DRC11: variants seen among roughly 807,000 people sequenced by gnomAD.
DRC11 encodes the protein IQ and AAA domain-containing protein 1.
the DRC11 span, among the ~76,000 whole-genome samples, chr2:236,442,390 T>A: frequency 1.3e-5 from 2 of 152,310 alleles, no homozygotes; most frequent in Admixed American, 1.3e-4. Context: ...AAATCTGGCC[T>A]CAAATGGAAG....
At chr2:236,419,324 G>C in the DRC11 span, 2 of 1,503,146 alleles carry the variant, frequency 1.3e-6, no homozygotes, top group African/African-American at 2.8e-5. This position sits in a 1 kb window ranked among gnomAD's most constrained non-coding sequence, Gnocchi z 4.8. Flanking sequence ...ATCAAGAGAA[G>C]GACTGTTTTC....
the DRC11 span, chr2:236,338,282 T>A: frequency 6.2e-7 from 1 of 1,613,900 alleles, no homozygotes; most frequent in African/African-American, 1.3e-5. Flanking sequence ...GAGTTCAGCA[T>A]CGAAGGGACG....
At chr2:236,358,050 GATAT>G in the DRC11 span, among the ~76,000 whole-genome samples, 2 of 113,672 alleles carry the variant, frequency 1.8e-5, no homozygotes, top group African/African-American at 7.3e-5. Flanking sequence ...ATAATATATA[GATAT>G]ATATTATATG....
the DRC11 span, among the ~76,000 whole-genome samples, chr2:236,432,691 C>T: frequency 1.9e-4 from 29 of 152,112 alleles, no homozygotes; most frequent in Non-Finnish European, 3.1e-4. Flanking sequence ...ACAAATAATT[C>T]TCTCAGGGTG....
chr2:236,436,330 T>G, the DRC11 span, among the ~76,000 whole-genome samples: 548 of 152,308 alleles, frequency 3.6e-3, 3 homozygotes, highest in African/African-American at 0.012. Context: ...ATTTGTGATT[T>G]TTTTTGGCCA....
At chr2:236,383,239 T>C in the DRC11 span, among the ~76,000 whole-genome samples, 3 of 152,222 alleles carry the variant, frequency 2.0e-5, no homozygotes, top group Non-Finnish European at 1.5e-5. Flanking sequence ...TATTAGCATA[T>C]AATTGTTCAT....
the DRC11 span, among the ~76,000 whole-genome samples, chr2:236,429,136 G>C: frequency 2.6e-5 from 4 of 152,348 alleles, no homozygotes; most frequent in African/African-American, 9.6e-5. The surrounding 1 kb of genome is among the most constrained non-coding windows in gnomAD (Gnocchi z 5.9). Context: ...GGGCACTGTA[G>C]CATCAGGTCT....
the DRC11 span, among the ~76,000 whole-genome samples, chr2:236,498,233 C>T: frequency 2.7e-4 from 40 of 150,530 alleles, no homozygotes; most frequent in African/African-American, 8.3e-4. Flanking sequence ...TTTGGGAGGT[C>T]GAGGCAGGTG....
the DRC11 span, among the ~76,000 whole-genome samples, chr2:236,322,763 G>A: frequency 6.6e-6 from 1 of 152,168 alleles, no homozygotes; most frequent in African/African-American, 2.4e-5. Flanking sequence ...GTCCTGCCCA[G>A]TACATCAGTC....
At chr2:236,463,859 C>G in the DRC11 span, among the ~76,000 whole-genome samples, 80 of 152,296 alleles carry the variant, frequency 5.3e-4, no homozygotes, top group Non-Finnish European at 1.0e-3. The surrounding 1 kb of genome is among the most constrained non-coding windows in gnomAD (Gnocchi z 5.0). Flanking sequence ...AAAGTGCTGG[C>G]GAAGACTGTG....
the DRC11 span, among the ~76,000 whole-genome samples, chr2:236,498,847 C>A: frequency 1.3e-5 from 2 of 152,190 alleles, no homozygotes; most frequent in Non-Finnish European, 2.9e-5. Context: ...CCTTCCCCTA[C>A]CAAATTTCAG....
the DRC11 span, among the ~76,000 whole-genome samples, chr2:236,445,568 G>A: frequency 6.6e-6 from 1 of 151,444 alleles, no homozygotes; most frequent in African/African-American, 2.4e-5. This position sits in a 1 kb window ranked among gnomAD's most constrained non-coding sequence, Gnocchi z 4.8. Flanking sequence ...TCAAACTCCC[G>A]ACCTCAGGTG....
chr2:236,507,396 G>A, the DRC11 span: 1 of 891,676 alleles, frequency 1.1e-6, no homozygotes, highest in Non-Finnish European at 1.9e-6. Flanking sequence ...TCTTCTGGAG[G>A]GAGAAACCAG....
chr2:236,457,581 A>G, the DRC11 span, among the ~76,000 whole-genome samples: 3 of 152,202 alleles, frequency 2.0e-5, no homozygotes, highest in African/African-American at 7.2e-5. The surrounding 1 kb of genome is among the most constrained non-coding windows in gnomAD (Gnocchi z 4.7). Context: ...TATATGGAAA[A>G]AGGGGTTTTG....
the DRC11 span, among the ~76,000 whole-genome samples, chr2:236,475,311 A>G: frequency 6.6e-6 from 1 of 152,180 alleles, no homozygotes; most frequent in Admixed American, 6.5e-5. This position sits in a 1 kb window ranked among gnomAD's most constrained non-coding sequence, Gnocchi z 4.8. Flanking sequence ...GGATTTCATT[A>G]CTTTTTATGG....
chr2:236,316,607 C>T, the DRC11 span, among the ~76,000 whole-genome samples: 2 of 152,184 alleles, frequency 1.3e-5, no homozygotes. This position sits in a 1 kb window ranked among gnomAD's most constrained non-coding sequence, Gnocchi z 6.8. Context: ...AAATAGACAA[C>T]CAACTCAGCG....
chr2:236,450,504 G>T, the DRC11 span, among the ~76,000 whole-genome samples: 5 of 151,756 alleles, frequency 3.3e-5, no homozygotes, highest in South Asian at 8.4e-4. Context: ...ATTTTTAGTA[G>T]AGACGGGGTT....
At chr2:236,439,979 T>C in the DRC11 span, among the ~76,000 whole-genome samples, 1 of 152,240 alleles carries the variant, frequency 6.6e-6, no homozygotes, top group Non-Finnish European at 1.5e-5. Context: ...TCGTAAAATA[T>C]GGTTCTTGCC....
At chr2:236,401,021 G>A in the DRC11 span, among the ~76,000 whole-genome samples, 1 of 152,102 alleles carries the variant, frequency 6.6e-6, no homozygotes, top group South Asian at 2.1e-4. The surrounding 1 kb of genome is among the most constrained non-coding windows in gnomAD (Gnocchi z 4.6). Context: ...CAGCAGACCT[G>A]GCCTTACGAC....
Sources: gnomAD v4.1 joint callset for allele counts (sites outside exome capture counted in the v4.1 genomes callset) on GRCh38, gnomAD v4.1.1 for gene constraint, Gnocchi (gnomAD v3.1) non-coding constraint, MANE v1.5 for transcripts, NCBI Gene and HGNC (gene_info 2026-07-23, HGNC 2026-07-21) for gene names.